Variants in STIM1 observed in about 807,000 individuals in gnomAD.
STIM1 encodes the protein stromal interaction molecule 1.
A neutral mutation model predicts 74.7 loss-of-function variants in STIM1; 25 were observed. That is an observed-to-expected ratio of 0.33 (90% CI 0.24 to 0.47). The LOEUF is 0.47. Among genes scored for constraint, STIM1 ranks in the 20% least tolerant of loss-of-function variants. STIM1 has a pLI of 1.00. For synonymous variants in STIM1, 328 were observed against 348.8 expected (o/e 0.94, Z 0.66); for missense variants, 728 against 920.8 (o/e 0.79, Z 2.71).
At chr11:3,899,421 G>C (rs35657722) in intron 1 of STIM1, among the ~76,000 whole-genome samples, 7,654 of 152,206 alleles carry the variant, frequency 0.05, 247 homozygotes, top group Middle Eastern at 0.12. Flanking sequence ...TTTGGGCTGA[G>C]ACAATGGGGT....
intron 3 of STIM1, among the ~76,000 whole-genome samples, chr11:4,039,484 G>A (rs1405306996): frequency 1.3e-5 from 2 of 149,674 alleles, no homozygotes; most frequent in Non-Finnish European, 3.0e-5. Flanking sequence ...CTACTCGGGA[G>A]GCTGAGGCAG....
At chr11:4,072,032 G>A (rs2094406876) in intron 6 of STIM1, among the ~76,000 whole-genome samples, 1 of 152,178 alleles carries the variant, frequency 6.6e-6, no homozygotes, top group South Asian at 2.1e-4. Flanking sequence ...TGTCTGAGCA[G>A]TCCCCATACC....
rs954648171 is a variant in STIM1, at chr11:3,967,682, G to C, written c.270G>C (p.Glu90Asp). 4.3e-6 allele frequency: 7 copies of C among 1,614,068 alleles called. No homozygotes were observed. The Admixed American group carries it at 1.0e-4, about 23-fold the overall frequency. Reference sequence around the variant, plus strand: ...ATGTGGATGTGGAAGAAAGTGATGAGGTGAGCTCTCCCATCCTGCTATGTC... The same window carrying C: ...ATGTGGATGTGGAAGAAAGTGATGACGTGAGCTCTCCCATCCTGCTATGTC... ...NGDVDVEESD[E>D]FLREDLNYHD... is the part of the protein sequence containing the mutation. Residue 90 changes from glutamate to aspartate, a missense_variant and splice_region_variant, in exon 2 of 13, where the codon GAG becomes GAC. This residue lies in a region of STIM1 where 51 missense variants were observed against 101.1 expected (regional missense o/e 0.50). Coordinates refer to ENST00000526596, the MANE Select transcript of STIM1 (RefSeq NM_001382567.1).
At chr11:4,035,266 GT>G (rs55788240) in intron 3 of STIM1, among the ~76,000 whole-genome samples, 1,584 of 136,564 alleles carry the variant, frequency 0.012, 23 homozygotes, top group African/African-American at 0.038. Flanking sequence ...GGTGTATTGT[GT>G]TTTTTTTTTT....
At chr11:3,946,347 A>G (rs2093073386) in intron 1 of STIM1, among the ~76,000 whole-genome samples, 1 of 152,172 alleles carries the variant, frequency 6.6e-6, no homozygotes, top group Non-Finnish European at 1.5e-5. Context: ...TGTAAATGTC[A>G]TTCGTCTCCA....
intron 1 of STIM1, among the ~76,000 whole-genome samples, chr11:3,886,723 G>C (rs1243195273): frequency 6.7e-6 from 1 of 148,170 alleles, no homozygotes; most frequent in South Asian, 2.1e-4. Context: ...GTCTTATTTG[G>C]CCGGGTGCGG....
intron 7 of STIM1, among the ~76,000 whole-genome samples, chr11:4,077,134 ATTGATATAATAT>A (rs1325323799): frequency 3.3e-5 from 5 of 151,722 alleles, no homozygotes; most frequent in Non-Finnish European, 7.4e-5. Flanking sequence ...GTAGCTATAT[ATTGATATAATAT>A]TTATATTAAT....
intron 2 of STIM1, among the ~76,000 whole-genome samples, chr11:3,997,101 C>T (rs925483979): frequency 1.3e-5 from 2 of 152,172 alleles, no homozygotes; most frequent in Non-Finnish European, 2.9e-5. Flanking sequence ...CCATTCTGGC[C>T]AGGTACCTGG....
rs562472207 is a variant in STIM1, at chr11:3,904,554, GT to G, written c.139+48153del. ...AAGATGGGTGTGACATGACCAGAGT[GT>G]TTTTTTTAGGAAGACCTCTTATATG... On this transcript the variant is annotated intron_variant, in intron 1 of 12. Transcript: ENST00000526596. 9.7e-4 allele frequency among the ~76,000 whole-genome samples: 147 copies of G among 151,986 alleles called. No homozygotes were observed. In the South Asian group the frequency reaches 0.01, roughly 11 times the overall value.
At chr11:3,859,126 T>C (rs1169878978) in intron 1 of STIM1, among the ~76,000 whole-genome samples, 1 of 152,242 alleles carries the variant, frequency 6.6e-6, no homozygotes, top group Admixed American at 6.5e-5. Flanking sequence ...TTTTCTCTTT[T>C]GGATGTATAT....
intron 3 of STIM1, among the ~76,000 whole-genome samples, chr11:4,029,280 C>T (rs375241893): frequency 3.8e-4 from 58 of 152,180 alleles, no homozygotes; most frequent in African/African-American, 1.2e-3. Flanking sequence ...ACTCTTTGGA[C>T]GATAGAATTT....
intron 1 of STIM1, among the ~76,000 whole-genome samples, chr11:3,937,632 GATGGCAGTCCTTCA>G (rs1477173341): frequency 2.6e-5 from 4 of 151,738 alleles, no homozygotes; most frequent in African/African-American, 9.8e-5. Flanking sequence ...GAGGGAGGAT[GATGGCAGTCCTTCA>G]ATGTCACTCT....
chr11:3,973,958 G>A (rs1590614405), intron 2 of STIM1: 1 of 609,848 alleles, frequency 1.6e-6, no homozygotes, highest in Non-Finnish European at 3.0e-6. Context: ...AGTTAAGTGG[G>A]CATGTGGTCT....
intron 3 of STIM1, among the ~76,000 whole-genome samples, chr11:4,036,325 A>T (rs1234726184): frequency 1.3e-5 from 2 of 152,150 alleles, no homozygotes; most frequent in Non-Finnish European, 2.9e-5. Flanking sequence ...ATACATGTGC[A>T]TTTATCTTTA....
At chr11:4,046,468 T>TA (rs758544842) in intron 3 of STIM1, among the ~76,000 whole-genome samples, 4 of 152,028 alleles carry the variant, frequency 2.6e-5, no homozygotes, top group Non-Finnish European at 4.4e-5. Flanking sequence ...CCTCTGCAAA[T>TA]AGTCTAATCT....
intron 2 of STIM1, among the ~76,000 whole-genome samples, chr11:4,012,440 A>G (rs1054960036): frequency 1.3e-5 from 2 of 152,096 alleles, no homozygotes; most frequent in African/African-American, 4.8e-5. Flanking sequence ...GGTCCTTCAC[A>G]TCCCTTGTAA....
At chr11:3,987,309 G>A (rs2093566568) in intron 2 of STIM1, among the ~76,000 whole-genome samples, 1 of 152,294 alleles carries the variant, frequency 6.6e-6, no homozygotes. Flanking sequence ...ACAGGCTCTA[G>A]GTGACACAGT....
Position 4,023,787 on chromosome 11 carries a change from C to T in STIM1, c.271-86C>T. 3.3e-6 allele frequency: 3 copies of T among 912,056 alleles called. No homozygotes were observed. The South Asian group carries it at 4.1e-5, about 12-fold the overall frequency. The allele number at this position is 912,056 out of a possible 1,614,324, so 56.5% of individuals were successfully genotyped here. ...GTTGGGTAGATGGAATGTGTTATGG[C>T]TAGCTAGAGGCAGGTGACCTGTGTG... On this transcript the variant is annotated intron_variant, in intron 2 of 12. Transcript: ENST00000526596.
chr11:4,042,497 T>TG (rs2094155856), intron 3 of STIM1, among the ~76,000 whole-genome samples: 1 of 152,238 alleles, frequency 6.6e-6, no homozygotes, highest in Non-Finnish European at 1.5e-5. Context: ...TTGTGTATTG[T>TG]TGTATCTTTA....
Sources: gnomAD v4.1 joint callset for allele counts (sites outside exome capture counted in the v4.1 genomes callset) on GRCh38, gnomAD v4.1.1 for gene constraint, gnomAD v4.1.1 regional missense constraint, MANE v1.5 for transcripts, NCBI Gene and HGNC (gene_info 2026-07-23, HGNC 2026-07-21) for gene names.